Variants in GUCY1A2 observed in about 807,000 individuals in gnomAD.
The protein encoded by GUCY1A2 is guanylate cyclase soluble subunit alpha-2.
In GUCY1A2, 27 loss-of-function variants were observed where a neutral mutation model predicts 63.5. That is an observed-to-expected ratio of 0.43 (90% confidence interval 0.31 to 0.59). GUCY1A2 has a LOEUF of 0.59. GUCY1A2 is among the 20% of genes least tolerant of loss of function. The pLI is 0.11. For missense variants in GUCY1A2, 768 were observed against 913.3 expected, an observed-to-expected ratio of 0.84 and a Z score of 2.05; for synonymous variants, 364 against 343.5, an observed-to-expected ratio of 1.06 and a Z score of -0.66.
rs754619073 is a variant in GUCY1A2, at chr11:106,919,771, A to G, written c.1206+19689T>C. On this transcript the variant is annotated intron_variant, in intron 4 of 7. Transcript: ENST00000526355. Reference sequence around the variant, plus strand: ...ATATCTGAGGAAATAAAAGGAAAATAGAGTGGCTAGAACAGTGTGAAGAGA... The same window carrying G: ...ATATCTGAGGAAATAAAAGGAAAATGGAGTGGCTAGAACAGTGTGAAGAGA... Among the ~76,000 whole-genome samples, 7 of 152,274 alleles carry G rather than the reference A, an allele frequency of 4.6e-5. No homozygotes were observed. The East Asian group carries it at 5.8e-4, about 13-fold the overall frequency.
intron 7 of GUCY1A2, among the ~76,000 whole-genome samples, chr11:106,699,068 G>A (rs1000305103): frequency 6.6e-6 from 1 of 152,134 alleles, no homozygotes; most frequent in Non-Finnish European, 1.5e-5. Flanking sequence ...TTTTATCTAT[G>A]TTCTACCTTG....
At chr11:106,788,864 T>C (rs1391101176) in intron 5 of GUCY1A2, among the ~76,000 whole-genome samples, 2 of 152,154 alleles carry the variant, frequency 1.3e-5, no homozygotes, top group Admixed American at 6.5e-5. Context: ...CTTTTTGCTC[T>C]ATAGTTTTAG....
intron 6 of GUCY1A2, among the ~76,000 whole-genome samples, chr11:106,771,333 G>A (rs1864251259): frequency 6.6e-6 from 1 of 152,174 alleles, no homozygotes; most frequent in Admixed American, 6.5e-5. Context: ...ATACCTTTGG[G>A]TTCACAAGAT....
chr11:106,976,794 G>A (rs1210269795), intron 3 of GUCY1A2, among the ~76,000 whole-genome samples: 1 of 152,130 alleles, frequency 6.6e-6, no homozygotes, highest in African/African-American at 2.4e-5. Context: ...CACCTTCTAA[G>A]TTATAAACAC....
chr11:106,796,247 T>C (rs948535462), intron 5 of GUCY1A2, among the ~76,000 whole-genome samples: 5 of 152,198 alleles, frequency 3.3e-5, no homozygotes. Context: ...CTGATGGGTC[T>C]TGACTCTTTA....
Position 107,017,762 on chromosome 11 carries a change from C to G in GUCY1A2, c.294G>C (p.Thr98=), listed in dbSNP as rs542771467. ...TCCGCCCCCCGCTCACCGAGGGCGC[C>G]GTCAGGCGGCTGATGCTCTCGCCCA... is the stretch of plus-strand genomic sequence containing the variant. ...DSLGESISRL[T]APSPQTIQQT... Residue 98 remains threonine, a synonymous_variant, in exon 1 of 8, where the codon ACG becomes ACC. Transcript: ENST00000526355. 5.4e-5 allele frequency: 76 copies of G among 1,414,072 alleles called. No homozygotes were observed. The highest frequency in any genetic ancestry group is 6.6e-5 in the Non-Finnish European group (71 of 1,083,290). 87.6% of individuals were successfully genotyped at this position (1,414,072 alleles called of 1,614,324 possible).
At chr11:106,736,511 C>A (rs757849325) in intron 6 of GUCY1A2, among the ~76,000 whole-genome samples, 10 of 152,034 alleles carry the variant, frequency 6.6e-5, no homozygotes, top group Admixed American at 2.6e-4. Context: ...TATGCCAGTA[C>A]CATGCTGTTT....
chr11:106,957,806 A>G (rs1470382728), intron 3 of GUCY1A2, among the ~76,000 whole-genome samples: 1 of 144,488 alleles, frequency 6.9e-6, no homozygotes, highest in Non-Finnish European at 1.5e-5. Context: ...AACTGCTCCA[A>G]CCAAGTGTTG....
chr11:106,715,536 G>A lies in GUCY1A2; in HGVS notation c.1837-6870C>T, dbSNP rs185603249. On this transcript the variant is annotated intron_variant, in intron 6 of 7. Transcript: ENST00000526355. Reference sequence around the variant, plus strand: ...GATAAACAAAATCAGATTTAATCTGGTTTTACCTACTTCATCTACACAGAA... The same window carrying A: ...GATAAACAAAATCAGATTTAATCTGATTTTACCTACTTCATCTACACAGAA... 1.5e-3 allele frequency among the ~76,000 whole-genome samples: 223 copies of A among 151,678 alleles called. 1 individual carries two copies. Among genetic ancestry groups the A allele is most frequent in the Non-Finnish European group, 2.7e-3 (182 of 67,870 alleles).
chr11:106,852,071 T>C (rs117403866), intron 4 of GUCY1A2, among the ~76,000 whole-genome samples: 1,954 of 152,080 alleles, frequency 0.013, 28 homozygotes, highest in South Asian at 0.048. Flanking sequence ...TCACCCCTTT[T>C]GTTTAATTTA....
chr11:106,884,869 T>A (rs1859877470), intron 4 of GUCY1A2, among the ~76,000 whole-genome samples: 1 of 152,146 alleles, frequency 6.6e-6, no homozygotes, highest in Non-Finnish European at 1.5e-5. Context: ...GAGTTTAAAA[T>A]TTGAACAATA....
intron 4 of GUCY1A2, among the ~76,000 whole-genome samples, chr11:106,890,342 C>T (rs1859956752): frequency 6.6e-6 from 1 of 152,152 alleles, no homozygotes; most frequent in Admixed American, 6.6e-5. Context: ...TTCACAATCT[C>T]ACTACCTATA....
intron 1 of GUCY1A2, 120 bp from the exon 2 acceptor site, chr11:106,986,251 A>G: frequency 1.6e-6 from 1 of 612,160 alleles, no homozygotes; most frequent in Admixed American, 2.7e-5. Flanking sequence ...TTCCTTCTAC[A>G]GTATTAACCC....
chr11:106,900,974 C>A (rs1231570952), intron 4 of GUCY1A2, among the ~76,000 whole-genome samples: 2 of 152,170 alleles, frequency 1.3e-5, no homozygotes, highest in Non-Finnish European at 1.5e-5. Context: ...TTTCTTGAAA[C>A]AATAAAGTTT....
rs947514400 is a variant in GUCY1A2, at chr11:106,676,376, T to A, written c.*11173A>T. On this transcript the variant is annotated 3_prime_UTR_variant, in exon 8 of 8. Transcript: ENST00000526355. ...AAATGTTTGATCTCTTGATCCAAGC[T>A]GTACTTTTTTTTTTTTTGTATTTAA... 6.3e-6 allele frequency: 1 copy of A among 158,848 alleles called. No homozygotes were observed. The highest frequency in any genetic ancestry group is 3.2e-5 in the African/African-American group (1 of 31,216). The allele number at this position is 158,848 out of a possible 1,614,324, so 9.8% of individuals were successfully genotyped here. A position where few individuals can be genotyped will look rare whatever the true frequency, so the allele number is the denominator to read the frequency against.
chr11:106,844,995 T>C (rs565892804), intron 4 of GUCY1A2, among the ~76,000 whole-genome samples: 1 of 151,736 alleles, frequency 6.6e-6, no homozygotes, highest in South Asian at 2.1e-4. Flanking sequence ...TTGCCATCAG[T>C]AGGTTAATCT....
intron 4 of GUCY1A2, among the ~76,000 whole-genome samples, chr11:106,819,129 T>C (rs1275600511): frequency 6.6e-6 from 1 of 152,162 alleles, no homozygotes; most frequent in Non-Finnish European, 1.5e-5. Context: ...GTGGCTGAAT[T>C]GCTGCAATCT....
chr11:106,979,260 C>A (rs1251861990), intron 2 of GUCY1A2, among the ~76,000 whole-genome samples: 4 of 152,044 alleles, frequency 2.6e-5, no homozygotes, highest in African/African-American at 9.7e-5. Flanking sequence ...TCAAGACCAT[C>A]CTGGCTAACA....
chr11:106,795,209 A>G (rs1041215000), intron 5 of GUCY1A2, among the ~76,000 whole-genome samples: 1 of 152,286 alleles, frequency 6.6e-6, no homozygotes, highest in Non-Finnish European at 1.5e-5. Context: ...TTTATCTTCA[A>G]TACCCTTTCC....
Sources: allele counts gnomAD v4.1 joint callset (sites outside exome capture counted in the v4.1 genomes callset), GRCh38; gene constraint gnomAD v4.1.1; transcripts MANE v1.5; gene names NCBI Gene and HGNC (gene_info 2026-07-23, HGNC 2026-07-21).